DNAH14: variants seen among roughly 807,000 people sequenced by gnomAD.
DNAH14 encodes the protein axonemal beta dynein heavy chain 14.
Under a neutral mutation model 520.9 loss-of-function variants are expected in DNAH14, and 478 were observed. The observed-to-expected ratio is 0.92, with a 90% confidence interval of 0.85 to 0.99. The LOEUF (loss-of-function observed/expected upper bound fraction) is 0.99, where lower values mean the gene tolerates loss of function less well. Ranked by LOEUF, DNAH14 falls within the 50% of genes least tolerant of loss-of-function variation. DNAH14 has a pLI of 0.00. For synonymous variants in DNAH14, 1,581 were observed against 1,757.2 expected (o/e 0.90, Z 2.51); for missense variants, 4,831 against 5,234.5 (o/e 0.92, Z 2.38).
chr1:225,026,782 C>T (rs1434606386), intron 11 of DNAH14, among the ~76,000 whole-genome samples: 1 of 152,108 alleles, frequency 6.6e-6, no homozygotes, highest in Non-Finnish European at 1.5e-5. Context: ...ATCAGCTTGA[C>T]AATTTCTGCA....
At chr1:225,191,224 A>G (rs60692803) in intron 37 of DNAH14, among the ~76,000 whole-genome samples, 16,964 of 151,822 alleles carry the variant, frequency 0.11, 1,483 homozygotes, top group East Asian at 0.23. Context: ...TTATCCCTTT[A>G]TTCATACCTT....
chr1:225,265,611 G>A (rs1365139388), intron 48 of DNAH14, among the ~76,000 whole-genome samples: 1 of 152,130 alleles, frequency 6.6e-6, no homozygotes, highest in Non-Finnish European at 1.5e-5. Context: ...TTGCTAAAGA[G>A]AAGTAGACTG....
chr1:225,057,458 A>G (rs1419427636), intron 17 of DNAH14, among the ~76,000 whole-genome samples: 1 of 152,208 alleles, frequency 6.6e-6, no homozygotes, highest in Non-Finnish European at 1.5e-5. Context: ...TAGATATACA[A>G]TCATGTCATC....
rs1164227291 is a variant in DNAH14, at chr1:225,379,924, T to C, written c.12717-235T>C. 2.0e-5 allele frequency among the ~76,000 whole-genome samples: 3 copies of C among 152,214 alleles called. No homozygotes were observed. The East Asian group carries it at 5.8e-4, about 29-fold the overall frequency. Reference sequence around the variant, plus strand: ...TGTATAGTGATCAGATCAGGGCAATTCATATGTCCATCATCTCAAACATTT... The same window carrying C: ...TGTATAGTGATCAGATCAGGGCAATCCATATGTCCATCATCTCAAACATTT... On this transcript the variant is annotated intron_variant, in intron 79 of 85. Coordinates refer to ENST00000682510, the MANE Select transcript of DNAH14 (RefSeq NM_001367479.1).
At chr1:224,994,220 AT>A (rs960194169) in intron 8 of DNAH14, among the ~76,000 whole-genome samples, 12 of 151,746 alleles carry the variant, frequency 7.9e-5, no homozygotes, top group South Asian at 2.1e-4. Flanking sequence ...GTTAAGTTCA[AT>A]TTTTTTTATG....
chr1:225,098,289 A>G (rs532843918), intron 22 of DNAH14, among the ~76,000 whole-genome samples: 2 of 141,830 alleles, frequency 1.4e-5, no homozygotes, highest in Admixed American at 1.3e-4. Flanking sequence ...TTCTACCTTT[A>G]AAAAACACCA....
intron 8 of DNAH14, among the ~76,000 whole-genome samples, chr1:224,984,200 GACC>G (rs1182946331): frequency 2.0e-5 from 3 of 152,168 alleles, no homozygotes; most frequent in African/African-American, 7.2e-5. Context: ...TAGGCACATA[GACC>G]AATGAAACAG....
intron 17 of DNAH14, among the ~76,000 whole-genome samples, chr1:225,078,768 ATCTCTCTCTCTCTCTCTC>A (rs1170812870): frequency 1.5e-3 from 23 of 15,682 alleles, no homozygotes; most frequent in African/African-American, 6.6e-3. Flanking sequence ...CCCATTCTCA[ATCTCTCTCTCTCTCTCTC>A]TCTCTCTCTC....
chr1:225,242,762 G>A (rs1249151177), intron 43 of DNAH14, among the ~76,000 whole-genome samples: 2 of 152,192 alleles, frequency 1.3e-5, no homozygotes, highest in African/African-American at 4.8e-5. Context: ...GTAGATAATT[G>A]TATATGCAAC....
chr1:225,235,826 A>G (rs1352756430), intron 42 of DNAH14, among the ~76,000 whole-genome samples: 4 of 152,164 alleles, frequency 2.6e-5, no homozygotes, highest in African/African-American at 7.2e-5. Context: ...TTATGTTCAT[A>G]GAGGTGTTTG....
Position 225,276,870 on chromosome 1 carries a change from G to A in DNAH14, c.8179-540G>A, listed in dbSNP as rs755947946. Among the ~76,000 whole-genome samples the A allele has an allele frequency of 3.9e-4, 59 of 149,434 alleles. 1 individual carries two copies. The highest frequency in any genetic ancestry group is 7.9e-4 in the Non-Finnish European group (53 of 67,500). On this transcript the variant is annotated intron_variant, in intron 53 of 85. Coordinates refer to ENST00000682510, the MANE Select transcript of DNAH14 (RefSeq NM_001367479.1). ...CAGGAGGTCGAGGCTGCAGTGAGCC[G>A]TGATTGTGAAACTGCACTCCAGCCT...
chr1:225,155,721 A>G (rs1276455441), intron 34 of DNAH14, among the ~76,000 whole-genome samples: 1 of 152,114 alleles, frequency 6.6e-6, no homozygotes, highest in Non-Finnish European at 1.5e-5. Flanking sequence ...TTTCCAGTAT[A>G]CAGGAAACTG....
intron 64 of DNAH14, among the ~76,000 whole-genome samples, chr1:225,330,452 A>G (rs561350575): frequency 6.6e-6 from 1 of 152,340 alleles, no homozygotes; most frequent in South Asian, 2.1e-4. Flanking sequence ...GTACTTATAC[A>G]CAGTGGAGTA....
chr1:225,167,484 ATT>A, intron 35 of DNAH14, among the ~76,000 whole-genome samples: 1 of 152,308 alleles, frequency 6.6e-6, no homozygotes, highest in African/African-American at 2.4e-5. Context: ...AATCTTGTAA[ATT>A]TTATTTACTG....
At chr1:224,986,290 C>G (rs2062630633) in intron 8 of DNAH14, among the ~76,000 whole-genome samples, 1 of 146,668 alleles carries the variant, frequency 6.8e-6, no homozygotes, top group Admixed American at 6.8e-5. Flanking sequence ...CAGTATTACC[C>G]TGATACCAAA....
chr1:225,227,498 AT>A (rs1016712088), intron 41 of DNAH14, among the ~76,000 whole-genome samples: 1 of 151,976 alleles, frequency 6.6e-6, no homozygotes, highest in Non-Finnish European at 1.5e-5. Context: ...AGGCAGAAAA[AT>A]TTTTCTTAGT....
chr1:225,357,876 T>C (rs1393111704), intron 73 of DNAH14: 2 of 701,564 alleles, frequency 2.9e-6, no homozygotes, highest in Admixed American at 2.0e-5. Flanking sequence ...ATCATGTAAG[T>C]GATTTGTATA....
chr1:225,220,312 A>G (rs939817736), intron 41 of DNAH14, among the ~76,000 whole-genome samples: 2 of 152,358 alleles, frequency 1.3e-5, no homozygotes, highest in South Asian at 2.1e-4. Context: ...GGCCTGGGCA[A>G]TCAGGCAAGA....
intron 10 of DNAH14, among the ~76,000 whole-genome samples, chr1:225,009,100 C>T (rs2064460000): frequency 6.6e-6 from 1 of 152,120 alleles, no homozygotes; most frequent in South Asian, 2.1e-4. Flanking sequence ...TGTGCAGAAG[C>T]TCTTTAGTTT....
Sources: gnomAD v4.1 joint callset for allele counts (sites outside exome capture counted in the v4.1 genomes callset) on GRCh38, gnomAD v4.1.1 for gene constraint, MANE v1.5 for transcripts, NCBI Gene and HGNC (gene_info 2026-07-23, HGNC 2026-07-21) for gene names.